KDM5C: variants seen among roughly 807,000 people sequenced by gnomAD.
KDM5C encodes the protein lysine demethylase 5C.
A neutral mutation model predicts 110.6 loss-of-function variants in KDM5C; 16 were observed. The observed-to-expected ratio is 0.14, with a 90% CI of 0.10 to 0.22. The LOEUF is 0.22. Ranked by LOEUF, KDM5C falls within the 10% of genes least tolerant of loss-of-function variation. The pLI, the probability that KDM5C is intolerant of heterozygous loss-of-function variation, is 1.00. For missense variants in KDM5C, 681 were observed against 1,300.9 expected, an observed-to-expected ratio of 0.52 and a Z score of 7.33; for synonymous variants, 511 against 520.4, an observed-to-expected ratio of 0.98 and a Z score of 0.24.
At chrX:53,191,823 A>C (rs782677488), downstream of KDM5C, 1 of 174,686 alleles carries the variant, frequency 5.7e-6, no homozygotes, top group East Asian at 8.0e-5. Context: ...ATAGTATGTA[A>C]ATTATATCTC....
rs1556834907 is a variant in KDM5C, at chrX:53,194,712, C to T, written c.3465G>A (p.Gln1155=). 8.3e-7 allele frequency: 1 copy of T among 1,211,247 alleles called. No individual in the cohort carries two copies. ...SVIVAFKEGE[Q]KEKEGILQLR... ...GCTGCAGGATACCCTCCTTCTCCTTCTGTTCCCCCTCCTTGAAGGCCACGA... is the reference window on the plus strand; with the variant it reads ...GCTGCAGGATACCCTCCTTCTCCTTTTGTTCCCCCTCCTTGAAGGCCACGA... The change falls in exon 23 of 26, where the codon CAG becomes CAA. Residue 1155 remains glutamine (Q), a synonymous_variant. Coordinates refer to ENST00000375401, the MANE Select transcript of KDM5C (RefSeq NM_004187.5).
At chrX:53,213,408 A>G (rs1204857329) in intron 8 of KDM5C, among the ~76,000 whole-genome samples, 1 of 112,046 alleles carries the variant, frequency 8.9e-6, no homozygotes, top group Non-Finnish European at 1.9e-5. Flanking sequence ...CTCTACAACC[A>G]CAGTTGAGTC....
intron 25 of KDM5C, among the ~76,000 whole-genome samples, chrX:53,181,366 G>A (rs1934042614): frequency 1.8e-5 from 2 of 110,407 alleles, no homozygotes; most frequent in Admixed American, 2.0e-4. Flanking sequence ...GATTTGGATA[G>A]ATCTGAGCAC....
Position 53,210,751 on chromosome X carries a change from T to C in KDM5C, c.1508A>G (p.Tyr503Cys), listed in dbSNP as rs955845745. The C allele has an allele frequency of 8.3e-7, 1 of 1,211,407 alleles. No homozygotes were observed. The highest frequency in any genetic ancestry group is 1.1e-6 in the Non-Finnish European group (1 of 895,154). The change falls in exon 11 of 26, where the codon TAC becomes TGC. Residue 503 changes from tyrosine to cysteine, a missense_variant. By Grantham distance (194) the Tyr-to-Cys change is radical. Around this residue, in one of 14 missense-constraint regions of KDM5C, gnomAD observed 41 missense variants for 205.9 expected, o/e 0.20. Coordinates refer to ENST00000375401, the MANE Select transcript of KDM5C (RefSeq NM_004187.5). ...AAAGGCTGAGAAGACCATGCCCACGTAGAGCCAGGGCACCTTCATGCCAGA... is the reference window on the plus strand; with the variant it reads ...AAAGGCTGAGAAGACCATGCCCACGCAGAGCCAGGGCACCTTCATGCCAGA... ...DISGMKVPWLYVGMVFSAFCW... is the reference protein window; with the variant it reads ...DISGMKVPWLCVGMVFSAFCW...
chrX:53,220,842 T>C lies in KDM5C; in HGVS notation c.225A>G (p.Leu75=), dbSNP rs782652127. ...CACCAGCTCCTAGTCTTCTCACCTC[T>C]AGCTCATTCAGCCTCTGGATTCGGG... ...FTPRIQRLNE[L]EAQTRVKLNY... The change falls in exon 2 of 26, where the codon CTA becomes CTG. Residue 75 remains leucine (L), a synonymous_variant. Transcript: ENST00000375401. 4.1e-6 allele frequency: 5 copies of C among 1,207,923 alleles called. No individual in the cohort carries two copies. The highest frequency in any genetic ancestry group is 3.0e-5 in the East Asian group (1 of 33,843).
At chrX:53,188,022 G>A (rs185477796), downstream of KDM5C, among the ~76,000 whole-genome samples, 15 of 110,986 alleles carry the variant, frequency 1.4e-4, no homozygotes, top group Non-Finnish European at 2.3e-4. Flanking sequence ...GATTACAGAC[G>A]TGAGCCACTG....
At chrX:53,198,680 T>A (rs1284153208) in intron 16 of KDM5C, 43 bp from the exon 17 acceptor site, 7 of 1,211,249 alleles carry the variant, frequency 5.8e-6, no homozygotes, top group Non-Finnish European at 7.8e-6. Context: ...CAGTATTGAA[T>A]AGAGGCAGAG....
At chrX:53,217,987 A>C (rs782568478) in intron 3 of KDM5C, 21 bp from the exon 4 acceptor site, 85 of 1,205,473 alleles carry the variant, frequency 7.1e-5, no homozygotes, top group Non-Finnish European at 9.3e-5. Flanking sequence ...AAGTAGGAAA[A>C]GACATGGATG....
rs2146838759 is a variant in KDM5C, at chrX:53,196,869, T to C, written c.2798A>G (p.Glu933Gly). Residue 933 changes from glutamate (E) to glycine (G), a missense_variant, in exon 19 of 26, where the codon GAG (glutamate) becomes GGG (glycine). Physicochemically the swap from Glu to Gly is moderately conservative, Grantham distance 98 (BLOSUM62 -2). This residue lies in a region of KDM5C where 123 missense variants were observed against 169.0 expected (regional missense o/e 0.73). Transcript: ENST00000375401. ...TGAGGGGGCCAGTGTGCGTTTCACC[T>C]CATCCAGCCATCGCGCCTGTTCCAC... ...RQVEQARWLD[E>G]VKRTLAPSAR... is the part of the protein sequence containing the mutation. 1 of 1,205,072 alleles carries C rather than the reference T, an allele frequency of 8.3e-7. No individual in the cohort carries two copies. The highest frequency in any genetic ancestry group is 1.1e-6 in the Non-Finnish European group (1 of 891,907).
chrX:53,193,987 G>C (rs1934625540), intron 23 of KDM5C, 136 bp from the exon 24 acceptor site: 1 of 952,824 alleles, frequency 1.0e-6, no homozygotes, highest in Non-Finnish European at 1.5e-6. Context: ...GCAGGGAGCA[G>C]AGTCTAGGAA....
At chrX:53,223,977 G>C (rs2073963401) in intron 1 of KDM5C, among the ~76,000 whole-genome samples, 1 of 112,336 alleles carries the variant, frequency 8.9e-6, no homozygotes, top group Admixed American at 9.4e-5. Context: ...ACAATTCCCT[G>C]AACCCACCTC....
intron 25 of KDM5C, among the ~76,000 whole-genome samples, chrX:53,182,302 C>T (rs1290702943): frequency 6.3e-5 from 7 of 110,434 alleles, no homozygotes; most frequent in East Asian, 2.8e-4. Context: ...AGGCTGGTCT[C>T]GAACTCCCGA....
At chrX:53,188,037 C>A (rs1470572206), downstream of KDM5C, among the ~76,000 whole-genome samples, 1 of 110,585 alleles carries the variant, frequency 9.0e-6, no homozygotes, top group Non-Finnish European at 1.9e-5. Context: ...CCACTGCACC[C>A]GGCCAAAAAA....
At position 53,193,834 on chromosome X, in the gene KDM5C, C is replaced by A. The variant is rs1934607247; in HGVS notation, c.4056G>T (p.Glu1352Asp). 8.3e-7 allele frequency: 1 copy of A among 1,208,824 alleles called. No individual in the cohort carries two copies. ...CAGGACTGGTCACACTGTCTCCATT[C>A]TCCAGTAAGCCCTGGACCTGCGGAG... ...KDMPKVQGLLENGDSVTSPEK... is the reference protein window; with the variant it reads ...KDMPKVQGLLDNGDSVTSPEK... The change falls in exon 24 of 26, where the codon GAG becomes GAT. Residue 1352 changes from glutamate to aspartate, a missense_variant. By Grantham distance (45) the Glu-to-Asp change is conservative. Transcript: ENST00000375401.
chrX:53,216,543 G>A (rs1228239576), intron 5 of KDM5C, among the ~76,000 whole-genome samples: 1 of 112,356 alleles, frequency 8.9e-6, no homozygotes, highest in African/African-American at 3.2e-5. Flanking sequence ...AATAGGATCT[G>A]CTAAATTACA....
At chrX:53,223,476 G>A (rs782187174) in intron 1 of KDM5C, among the ~76,000 whole-genome samples, 1 of 111,312 alleles carries the variant, frequency 9.0e-6, no homozygotes, top group South Asian at 3.8e-4. Flanking sequence ...CACCAAGTTG[G>A]ATAAGGAGGC....
At chrX:53,218,203 C>A in intron 3 of KDM5C, 73 bp downstream of exon 3, 1 of 1,177,221 alleles carries the variant, frequency 8.5e-7, no homozygotes, top group Non-Finnish European at 1.2e-6. Flanking sequence ...AATATCCAAA[C>A]TAAGGGGGCC....
At chrX:53,187,104 T>C (rs986803788), downstream of KDM5C, among the ~76,000 whole-genome samples, 4 of 111,687 alleles carry the variant, frequency 3.6e-5, no homozygotes, top group Non-Finnish European at 7.5e-5. Flanking sequence ...AAAATGGCCA[T>C]GGTGGCAGGC....
chrX:53,193,066 C>T lies in KDM5C; in HGVS notation c.4584G>A (p.Pro1528=), dbSNP rs782439073. 2 of 1,205,303 alleles carry T rather than the reference C, an allele frequency of 1.7e-6. No homozygotes were observed. The highest frequency in any genetic ancestry group is 2.2e-6 in the Non-Finnish European group (2 of 893,057). Residue 1528 remains proline (P), a synonymous_variant, in exon 26 of 26, where the codon CCG becomes CCA. Transcript: ENST00000375401. Reference sequence around the variant, plus strand: ...AGGGGCCTGAAGTGGTCCCTTCCGCCGGTTCCAAGCCATTCTGGTTCTCCT... The same window carrying T: ...AGGGGCCTGAAGTGGTCCCTTCCGCTGGTTCCAAGCCATTCTGGTTCTCCT... ...STQENQNGLE[P]AEGTTSGPSA...
Sources: allele counts gnomAD v4.1 joint callset (sites outside exome capture counted in the v4.1 genomes callset), GRCh38; gene constraint gnomAD v4.1.1; regional missense constraint gnomAD v4.1.1; transcripts MANE v1.5; gene names NCBI Gene and HGNC (gene_info 2026-07-23, HGNC 2026-07-21).